Variants in TECRL observed in about 807,000 individuals in gnomAD.
TECRL encodes the protein trans-2,3-enoyl-CoA reductase like.
Under a neutral mutation model 52.8 loss-of-function variants are expected in TECRL, and 63 were observed. The ratio of observed to expected loss-of-function variants is 1.19; its 90% CI spans 0.97 to 1.47. The LOEUF (loss-of-function observed/expected upper bound fraction) is 1.47. TECRL is among the 40% of genes most tolerant of loss of function. The pLI, the probability that TECRL is intolerant of heterozygous loss-of-function variation, is 0.00. For missense variants in TECRL, 482 were observed against 429.6 expected (o/e 1.12, Z -1.08); for synonymous variants, 164 against 141.9 (o/e 1.16, Z -1.10).
chr4:64,404,289 G>T (rs1724567164), intron 1 of TECRL, among the ~76,000 whole-genome samples: 1 of 149,424 alleles, frequency 6.7e-6, no homozygotes, highest in African/African-American at 2.5e-5. Flanking sequence ...AAAGATTGAA[G>T]AAAATAGAAT....
chr4:64,379,649 C>A (rs917781409), intron 1 of TECRL, among the ~76,000 whole-genome samples: 2 of 152,094 alleles, frequency 1.3e-5, no homozygotes, highest in Non-Finnish European at 2.9e-5. Context: ...TTGTTCCCAG[C>A]CTCTGCTAAA....
At chr4:64,302,335 C>G (rs556438542) in intron 7 of TECRL, among the ~76,000 whole-genome samples, 2 of 151,218 alleles carry the variant, frequency 1.3e-5, no homozygotes, top group Non-Finnish European at 3.0e-5. Flanking sequence ...AAAAGTCAAA[C>G]ACTGTTACCA....
intron 8 of TECRL, among the ~76,000 whole-genome samples, chr4:64,295,728 C>A (rs1217167813): frequency 6.6e-6 from 1 of 151,772 alleles, no homozygotes; most frequent in African/African-American, 2.4e-5. Flanking sequence ...GTTTTATAAT[C>A]ACTGCTGATT....
chr4:64,359,358 C>T (rs937563151), intron 2 of TECRL, among the ~76,000 whole-genome samples: 13 of 151,836 alleles, frequency 8.6e-5, no homozygotes, highest in African/African-American at 3.1e-4. Flanking sequence ...ATATCTATCT[C>T]CCGTTGAATT....
intron 5 of TECRL, among the ~76,000 whole-genome samples, chr4:64,311,274 A>G (rs1415116302): frequency 6.6e-6 from 1 of 152,200 alleles, no homozygotes; most frequent in Non-Finnish European, 1.5e-5. Context: ...ATGTAACATA[A>G]ATGTATTATG....
At chr4:64,291,377 T>A (rs1350855551) in intron 8 of TECRL, among the ~76,000 whole-genome samples, 2 of 152,070 alleles carry the variant, frequency 1.3e-5, no homozygotes, top group Non-Finnish European at 2.9e-5. Flanking sequence ...ACTAATGGTT[T>A]GTTACATTTC....
At chr4:64,333,102 T>C (rs1436998485) in intron 2 of TECRL, among the ~76,000 whole-genome samples, 1 of 152,006 alleles carries the variant, frequency 6.6e-6, no homozygotes, top group Non-Finnish European at 1.5e-5. Context: ...ACTGAATATA[T>C]ATGTAATGAA....
chr4:64,321,316 A>G (rs1265892496), intron 4 of TECRL, among the ~76,000 whole-genome samples: 2 of 152,068 alleles, frequency 1.3e-5, no homozygotes, highest in Non-Finnish European at 2.9e-5. Context: ...CATTTGTAAA[A>G]CTTACAAAAA....
chr4:64,393,571 A>T (rs1276756954), intron 1 of TECRL, among the ~76,000 whole-genome samples: 1 of 152,056 alleles, frequency 6.6e-6, no homozygotes, highest in African/African-American at 2.4e-5. Context: ...TGAAAACAAT[A>T]TGAGGATATT....
chr4:64,285,945 C>A (rs974108577), intron 9 of TECRL, among the ~76,000 whole-genome samples: 1 of 152,158 alleles, frequency 6.6e-6, no homozygotes, highest in Middle Eastern at 3.4e-3. Context: ...GATGAAAAAC[C>A]TCCTCTGTTT....
chr4:64,298,672 T>C (rs1276658623), intron 8 of TECRL, among the ~76,000 whole-genome samples: 1 of 151,190 alleles, frequency 6.6e-6, no homozygotes. Flanking sequence ...GGAGTTGTCT[T>C]AATTACACAG....
intron 2 of TECRL, among the ~76,000 whole-genome samples, chr4:64,358,026 C>T (rs1430855379): frequency 6.6e-6 from 1 of 151,412 alleles, no homozygotes; most frequent in Non-Finnish European, 1.5e-5. Flanking sequence ...GAGTCTAATA[C>T]TAAATGAAGT....
chr4:64,356,230 G>C (rs1223332123), intron 2 of TECRL, among the ~76,000 whole-genome samples: 2 of 152,174 alleles, frequency 1.3e-5, no homozygotes, highest in African/African-American at 4.8e-5. Context: ...TTCTCCCCAT[G>C]TGATAGTCTG....
At chr4:64,365,479 A>G (rs577303116) in intron 2 of TECRL, among the ~76,000 whole-genome samples, 14 of 152,100 alleles carry the variant, frequency 9.2e-5, no homozygotes, top group Non-Finnish European at 1.5e-4. Flanking sequence ...GTATCCGGAA[A>G]ACTCCATAGT....
intron 3 of TECRL, among the ~76,000 whole-genome samples, chr4:64,323,357 A>C (rs930203367): frequency 1.3e-5 from 2 of 151,998 alleles, no homozygotes; most frequent in African/African-American, 4.8e-5. Context: ...TGATCGCTTC[A>C]CTGTACTCCA....
At chr4:64,305,492 G>T (rs535260154) in intron 6 of TECRL, among the ~76,000 whole-genome samples, 1 of 152,258 alleles carries the variant, frequency 6.6e-6, no homozygotes, top group Middle Eastern at 3.4e-3. Context: ...GAGGGTCTCA[G>T]AAGAGGGCCA....
At chr4:64,368,588 C>A (rs536296335) in intron 2 of TECRL, among the ~76,000 whole-genome samples, 2 of 152,168 alleles carry the variant, frequency 1.3e-5, no homozygotes, top group Non-Finnish European at 2.9e-5. Context: ...GCCACTGTGC[C>A]CAGCCCTCAT....
intron 9 of TECRL, among the ~76,000 whole-genome samples, chr4:64,282,284 A>G (rs192693583): frequency 6.6e-6 from 1 of 152,010 alleles, no homozygotes; most frequent in Non-Finnish European, 1.5e-5. Context: ...GACATTTGTA[A>G]AAGTAAATAT....
At chr4:64,351,295 T>G (rs957252163) in intron 2 of TECRL, among the ~76,000 whole-genome samples, 3 of 18,598 alleles carry the variant, frequency 1.6e-4, no homozygotes, top group African/African-American at 2.8e-4. Flanking sequence ...AAAAGGGAAC[T>G]TTTTTTTTGG....
Sources: gnomAD v4.1 joint callset for allele counts (sites outside exome capture counted in the v4.1 genomes callset) on GRCh38, gnomAD v4.1.1 for gene constraint, MANE v1.5 for transcripts, NCBI Gene and HGNC (gene_info 2026-07-23, HGNC 2026-07-21) for gene names.